The following GALNT17 variants were observed in gnomAD, a reference collection of about 807,000 sequenced individuals.
GALNT17 encodes the protein polypeptide N-acetylgalactosaminyltransferase 17.
GALNT17 carries 29 observed loss-of-function variants against 63.7 expected under a neutral mutation model. That is an observed-to-expected ratio of 0.46 (90% CI 0.34 to 0.62). GALNT17 has a LOEUF of 0.62. Ranked by LOEUF, GALNT17 falls within the 20% of genes least tolerant of loss-of-function variation. The pLI, the probability that GALNT17 is intolerant of heterozygous loss-of-function variation, is 0.01. For missense variants in GALNT17, 603 were observed against 799.6 expected (o/e 0.75, Z 2.97); for synonymous variants, 305 against 318.3 (o/e 0.96, Z 0.45).
chr7:71,151,354 G>C (rs1363780900), intron 1 of GALNT17, among the ~76,000 whole-genome samples: 1 of 152,130 alleles, frequency 6.6e-6, no homozygotes, highest in African/African-American at 2.4e-5. Flanking sequence ...GGGCGTGGTG[G>C]CTCACGCCTG....
intron 5 of GALNT17, among the ~76,000 whole-genome samples, chr7:71,514,991 T>C (rs560701211): frequency 2.0e-5 from 3 of 152,234 alleles, no homozygotes; most frequent in Non-Finnish European, 4.4e-5. Context: ...TTATAAGGGG[T>C]TTCCCTTTTC....
At chr7:71,482,521 T>C (rs1420869292) in intron 5 of GALNT17, among the ~76,000 whole-genome samples, 1 of 152,176 alleles carries the variant, frequency 6.6e-6, no homozygotes, top group African/African-American at 2.4e-5. Context: ...AGTGCACTTA[T>C]ACAACCCTAA....
intron 5 of GALNT17, among the ~76,000 whole-genome samples, chr7:71,500,839 G>A (rs940638947): frequency 1.3e-5 from 2 of 152,012 alleles, no homozygotes; most frequent in Admixed American, 1.3e-4. Flanking sequence ...AGTAAGAGCC[G>A]TAGTTTAGCC....
intron 9 of GALNT17, among the ~76,000 whole-genome samples, chr7:71,693,066 CTA>C (rs1232133656): frequency 6.6e-6 from 1 of 151,696 alleles, no homozygotes; most frequent in East Asian, 1.9e-4. Context: ...AGATAGATAA[CTA>C]TATACTAGTG....
At chr7:71,171,288 G>A (rs1385283483) in intron 1 of GALNT17, among the ~76,000 whole-genome samples, 1 of 152,198 alleles carries the variant, frequency 6.6e-6, no homozygotes, top group Non-Finnish European at 1.5e-5. Context: ...GCCAAGGCGA[G>A]GGAATTGCTT....
intron 2 of GALNT17, among the ~76,000 whole-genome samples, chr7:71,358,019 A>G (rs1202858038): frequency 6.6e-6 from 1 of 152,242 alleles, no homozygotes; most frequent in Non-Finnish European, 1.5e-5. Flanking sequence ...CACCCCAGCC[A>G]GCAGCGGCAA....
At chr7:71,255,029 G>T (rs1049776470) in intron 1 of GALNT17, among the ~76,000 whole-genome samples, 1 of 152,236 alleles carries the variant, frequency 6.6e-6, no homozygotes, top group African/African-American at 2.4e-5. Context: ...GAGTGGGGAA[G>T]AATCTAGACT....
At chr7:71,409,050 A>ACT (rs1448613425) in intron 3 of GALNT17, among the ~76,000 whole-genome samples, 1 of 150,648 alleles carries the variant, frequency 6.6e-6, no homozygotes, top group Non-Finnish European at 1.5e-5. Flanking sequence ...ACACACACAC[A>ACT]CATTTAAATA....
chr7:71,686,046 C>T (rs1274171106), intron 9 of GALNT17, among the ~76,000 whole-genome samples: 1 of 144,804 alleles, frequency 6.9e-6, no homozygotes, highest in African/African-American at 2.5e-5. Flanking sequence ...CCTCCGCCTC[C>T]TGCGTTCAAG....
intron 1 of GALNT17, among the ~76,000 whole-genome samples, chr7:71,156,904 G>A (rs1356322219): frequency 1.3e-5 from 2 of 150,776 alleles, no homozygotes; most frequent in African/African-American, 2.5e-5. Context: ...TTTTCTTAAT[G>A]ATATATTTTC....
intron 1 of GALNT17, among the ~76,000 whole-genome samples, chr7:71,231,727 GGAGAGAGAGAGGGAGGGAGAGGGAGA>G (rs1301518864): frequency 3.4e-5 from 5 of 148,900 alleles, no homozygotes; most frequent in African/African-American, 5.0e-5. Flanking sequence ...AGTGGGGGAG[GGAGAGAGAGAGGGAGGGAGAGGGAGA>G]GAGAGAGAGA....
At chr7:71,468,541 T>A (rs1009975860) in intron 5 of GALNT17, among the ~76,000 whole-genome samples, 1 of 152,108 alleles carries the variant, frequency 6.6e-6, no homozygotes, top group African/African-American at 2.4e-5. Context: ...CTCAGCCTCC[T>A]GAGCAGCTGG....
chr7:71,201,396 G>T (rs1789169138), intron 1 of GALNT17, among the ~76,000 whole-genome samples: 1 of 151,732 alleles, frequency 6.6e-6, no homozygotes, highest in Admixed American at 6.6e-5. Context: ...TTGAGTGAAT[G>T]AATGTTTATC....
chr7:71,225,213 C>T (rs994717985), intron 1 of GALNT17, among the ~76,000 whole-genome samples: 2 of 152,166 alleles, frequency 1.3e-5, no homozygotes, highest in African/African-American at 2.4e-5. Flanking sequence ...AAGTGATCTG[C>T]CCGCCTCAGC....
At chr7:71,168,870 G>A (rs181314389) in intron 1 of GALNT17, among the ~76,000 whole-genome samples, 170 of 152,240 alleles carry the variant, frequency 1.1e-3, no homozygotes, top group Admixed American at 4.3e-3. Context: ...ATTTCTGCAG[G>A]TGGGGATAAA....
At chr7:71,617,331 T>G (rs912726206) in intron 6 of GALNT17, among the ~76,000 whole-genome samples, 4 of 144,336 alleles carry the variant, frequency 2.8e-5, no homozygotes, top group Non-Finnish European at 4.6e-5. Context: ...GGTTTTTTTG[T>G]TTTTTTTTTT....
At chr7:71,614,618 CA>C (rs933581303) in intron 6 of GALNT17, among the ~76,000 whole-genome samples, 1 of 138,942 alleles carries the variant, frequency 7.2e-6, no homozygotes, top group South Asian at 2.3e-4. Flanking sequence ...GACCTTTTCT[CA>C]AAAAAAGAAA....
chr7:71,216,943 TA>T (rs1789493630), intron 1 of GALNT17, among the ~76,000 whole-genome samples: 1 of 152,130 alleles, frequency 6.6e-6, no homozygotes, highest in South Asian at 2.1e-4. Context: ...ATTTTCCACT[TA>T]AAAATTTTTA....
At chr7:71,240,751 GC>G (rs1191147751) in intron 1 of GALNT17, among the ~76,000 whole-genome samples, 3 of 150,432 alleles carry the variant, frequency 2.0e-5, no homozygotes, top group Non-Finnish European at 4.4e-5. Flanking sequence ...TGCAGGCTCC[GC>G]CCCCCGGGTT....
Sources: gnomAD v4.1 joint callset for allele counts (sites outside exome capture counted in the v4.1 genomes callset) on GRCh38, gnomAD v4.1.1 for gene constraint, MANE v1.5 for transcripts, NCBI Gene and HGNC (gene_info 2026-07-23, HGNC 2026-07-21) for gene names.